TANGO2: variants seen among roughly 807,000 people sequenced by gnomAD.
TANGO2 encodes transport and Golgi organization protein 2 homolog.
A neutral mutation model predicts 39.1 loss-of-function variants in TANGO2; 26 were observed. That is an observed-to-expected ratio of 0.67 (90% confidence interval 0.49 to 0.92). TANGO2 has a LOEUF of 0.92. TANGO2 is among the 40% of genes least tolerant of loss of function. The pLI is 0.00. For missense variants in TANGO2, 326 were observed against 360.1 expected (o/e 0.91, Z 0.77); for synonymous variants, 131 against 144.5 (o/e 0.91, Z 0.67).
At position 20,059,041 on chromosome 22, in the gene TANGO2, C is replaced by G. The variant is rs189229301; in HGVS notation, c.452-2489C>G. On this transcript the variant is annotated intron_variant, in intron 6 of 8. Transcript: ENST00000327374. ...AGCCTCTATGAACTGCTGAAACTGG[C>G]TTATGGTCTGTAGTTGCTTATCAGA... is the stretch of plus-strand genomic sequence containing the variant. Among the ~76,000 whole-genome samples, 284 of 152,232 alleles carry G rather than the reference C, an allele frequency of 1.9e-3. 1 individual carries two copies. Among genetic ancestry groups the G allele is most frequent in the African/African-American group, 6.5e-3 (268 of 41,546 alleles).
chr22:20,031,575 A>G (rs2041882246), intron 1 of TANGO2, among the ~76,000 whole-genome samples: 1 of 152,094 alleles, frequency 6.6e-6, no homozygotes, highest in Non-Finnish European at 1.5e-5. Context: ...GGGCTCTTCC[A>G]TCCCTGTGGG....
At chr22:20,036,137 C>A (rs572102029) in intron 1 of TANGO2, among the ~76,000 whole-genome samples, 1 of 152,234 alleles carries the variant, frequency 6.6e-6, no homozygotes, top group East Asian at 1.9e-4. Flanking sequence ...GCATTGTGGG[C>A]TGCAACAAAA....
Position 20,021,200 on chromosome 22 carries a change from C to T in TANGO2, c.-86C>T, listed in dbSNP as rs1484215333. 4 of 152,238 alleles carry T rather than the reference C, an allele frequency of 2.6e-5. No homozygotes were observed. The highest frequency in any genetic ancestry group is 5.9e-5 in the Non-Finnish European group (4 of 68,066). 9.4% of individuals were successfully genotyped at this position (152,238 alleles called of 1,614,324 possible). Reference sequence around the variant, plus strand: ...CCCGGCCGGCCTGGGCTCGGGGGCTCCGGGCTCTGGGCTCTGGGTGCGCGG... The same window carrying T: ...CCCGGCCGGCCTGGGCTCGGGGGCTTCGGGCTCTGGGCTCTGGGTGCGCGG... On this transcript the variant is annotated 5_prime_UTR_variant, in exon 1 of 9. Transcript: ENST00000327374.
intron 1 of TANGO2, among the ~76,000 whole-genome samples, chr22:20,030,522 T>A (rs893485548): frequency 3.3e-5 from 5 of 152,176 alleles, no homozygotes; most frequent in African/African-American, 1.2e-4. Flanking sequence ...AATTTTTGTA[T>A]TTTTAGTAGA....
chr22:20,020,620 C>A (rs1368657934), upstream of TANGO2, among the ~76,000 whole-genome samples: 1 of 151,964 alleles, frequency 6.6e-6, no homozygotes, highest in Non-Finnish European at 1.5e-5. Context: ...GAGGAAAGAG[C>A]CGACCTGGAG....
chr22:20,061,757 G>T, intron 7 of TANGO2, 74 bp downstream of exon 7: 1 of 1,459,872 alleles, frequency 6.8e-7, no homozygotes, highest in Admixed American at 2.4e-5. Flanking sequence ...AGGCCCTGCT[G>T]CCCCGGGAGG....
At chr22:20,053,348 C>T (rs2046751302) in intron 4 of TANGO2, 89 bp from the exon 5 acceptor site, 2 of 833,332 alleles carry the variant, frequency 2.4e-6, no homozygotes, top group South Asian at 1.5e-5. Flanking sequence ...CATCTTCCTG[C>T]ATCCTCCCCA....
chr22:20,058,805 A>G (rs2047851574), intron 6 of TANGO2, among the ~76,000 whole-genome samples: 1 of 152,164 alleles, frequency 6.6e-6, no homozygotes, highest in African/African-American at 2.4e-5. Context: ...ATGCCTCCCA[A>G]GGTCCATATC....
At chr22:20,061,273 G>A (rs765896488) in intron 6 of TANGO2, 2 of 385,276 alleles carry the variant, frequency 5.2e-6, no homozygotes, top group South Asian at 6.1e-5. Context: ...TCCATCCATC[G>A]AGGCTGCTGG....
intron 3 of TANGO2, among the ~76,000 whole-genome samples, chr22:20,048,648 T>A (rs2045711416): frequency 6.6e-6 from 1 of 151,720 alleles, no homozygotes; most frequent in Non-Finnish European, 1.5e-5. Flanking sequence ...GAGCAGAATT[T>A]TTTTTTTTTC....
intron 8 of TANGO2, among the ~76,000 whole-genome samples, chr22:20,064,240 C>T (rs574551943): frequency 5.3e-5 from 8 of 152,294 alleles, no homozygotes; most frequent in African/African-American, 1.9e-4. Context: ...GTGGTCAGCC[C>T]GCAGGCTGCC....
At chr22:20,033,724 C>T (rs573862209) in intron 1 of TANGO2, among the ~76,000 whole-genome samples, 5 of 152,364 alleles carry the variant, frequency 3.3e-5, no homozygotes, top group Non-Finnish European at 5.9e-5. Flanking sequence ...CTTCTGGCCA[C>T]ATGGTGAGTG....
At chr22:20,062,712 C>A (rs2048610661) in intron 7 of TANGO2, among the ~76,000 whole-genome samples, 1 of 148,630 alleles carries the variant, frequency 6.7e-6, no homozygotes, top group Non-Finnish European at 1.5e-5. Flanking sequence ...GAGGCAAATG[C>A]CCACAGGGCA....
intron 2 of TANGO2, chr22:20,037,093 A>G: frequency 6.6e-7 from 1 of 1,526,546 alleles, no homozygotes; most frequent in Non-Finnish European, 8.8e-7. Flanking sequence ...AGGCAGCCAC[A>G]GGTAGGACAG....
At chr22:20,039,032 G>T (rs552511414) in intron 2 of TANGO2, among the ~76,000 whole-genome samples, 1 of 151,494 alleles carries the variant, frequency 6.6e-6, no homozygotes, top group Non-Finnish European at 1.5e-5. Flanking sequence ...CCTCAAACTC[G>T]CCGGCTCAAG....
chr22:20,063,171 A>T, intron 7 of TANGO2, 167 bp from the exon 8 acceptor site: 1 of 579,952 alleles, frequency 1.7e-6, no homozygotes, highest in Non-Finnish European at 3.1e-6. Flanking sequence ...AAAGAAAATA[A>T]GAGAAAAGAG....
At chr22:20,060,688 G>A (rs866574321) in intron 6 of TANGO2, among the ~76,000 whole-genome samples, 2 of 152,046 alleles carry the variant, frequency 1.3e-5, no homozygotes, top group South Asian at 4.1e-4. Context: ...TGGGGCTGGC[G>A]GCTTGGCTCT....
chr22:20,040,767 G>A (rs541949102), intron 2 of TANGO2, among the ~76,000 whole-genome samples: 4 of 152,338 alleles, frequency 2.6e-5, no homozygotes, highest in African/African-American at 9.6e-5. Context: ...TGCTGCAGAG[G>A]TTGGGGGGCA....
At position 20,023,948 on chromosome 22, in the gene TANGO2, G is replaced by A. The variant is rs182039732; in HGVS notation, c.-40+2702G>A. Among the ~76,000 whole-genome samples, 224 of 152,198 alleles carry A rather than the reference G, an allele frequency of 1.5e-3. 1 individual carries two copies. The highest frequency in any genetic ancestry group is 5.3e-3 in the African/African-American group (221 of 41,518). On this transcript the variant is annotated intron_variant, in intron 1 of 8. Coordinates refer to ENST00000327374, the MANE Select transcript of TANGO2 (RefSeq NM_152906.7). ...TATAATCCCAGCACTTTGGGAGGCC[G>A]AGACAGGTGGATCACCTGAGGTCAG...
Sources: gnomAD v4.1 joint callset for allele counts (sites outside exome capture counted in the v4.1 genomes callset) on GRCh38, gnomAD v4.1.1 for gene constraint, MANE v1.5 for transcripts, NCBI Gene and HGNC (gene_info 2026-07-23, HGNC 2026-07-21) for gene names.